The following TSPAN3 variants were observed in gnomAD, a reference collection of about 807,000 sequenced individuals.
The protein encoded by TSPAN3 is tetraspanin 3.
In TSPAN3, 9 loss-of-function variants were observed where a neutral mutation model predicts 31.1. The ratio of observed to expected loss-of-function variants is 0.29; its 90% CI spans 0.17 to 0.50. The LOEUF (loss-of-function observed/expected upper bound fraction) is 0.50. Ranked by LOEUF, TSPAN3 falls within the 20% of genes least tolerant of loss-of-function variation. TSPAN3 has a pLI of 0.98. For missense variants in TSPAN3, 252 were observed against 313.5 expected (o/e 0.80, Z 1.48); for synonymous variants, 129 against 114.3 (o/e 1.13, Z -0.82).
chr15:77,065,772 A>G (rs929041157), intron 1 of TSPAN3, among the ~76,000 whole-genome samples: 1 of 152,198 alleles, frequency 6.6e-6, no homozygotes, highest in African/African-American at 2.4e-5. Context: ...ACTACAATTT[A>G]TATGTGTGAA....
In TSPAN3 at chr15:77,056,186, A is replaced by G; in HGVS notation, c.133T>C (p.Phe45Leu). The G allele has an allele frequency of 6.2e-7, 1 of 1,613,972 alleles. No individual in the cohort carries two copies. Among genetic ancestry groups the G allele is most frequent in the Non-Finnish European group, 8.5e-7 (1 of 1,179,970 alleles). The part of the protein sequence containing the change: ...FITYDDYDHF[F>L]EDVYTLIPAV... ...GGGATGAGCGTGTACACATCTTCAAAGAAGTGGTCATAGTCATCATAAGTG... is the reference window on the plus strand; with the variant it reads ...GGGATGAGCGTGTACACATCTTCAAGGAAGTGGTCATAGTCATCATAAGTG... Residue 45 changes from phenylalanine to leucine, a missense_variant, in exon 2 of 7, where the codon TTT (phenylalanine) becomes CTT (leucine). By Grantham distance (22) the Phe-to-Leu change is conservative (BLOSUM62 0). Coordinates refer to ENST00000267970, the MANE Select transcript of TSPAN3 (RefSeq NM_005724.6).
chr15:77,070,755 C>T (rs2152698618), intron 1 of TSPAN3, 137 bp downstream of exon 1: 2 of 279,940 alleles, frequency 7.1e-6, no homozygotes, highest in South Asian at 2.6e-4. Context: ...CCGGCCCTCC[C>T]CTCGCCTCAG....
intron 3 of TSPAN3, 73 bp from the exon 4 acceptor site, chr15:77,054,352 A>T: frequency 9.3e-7 from 1 of 1,073,208 alleles, no homozygotes; most frequent in South Asian, 1.3e-5. Flanking sequence ...TCCTACTAAA[A>T]TACTTAAATG....
In TSPAN3 at chr15:77,044,810, GA is replaced by G. The variant is rs1243708113; in HGVS notation, c.*2024del. The G allele has an allele frequency of 6.6e-6, 1 of 152,206 alleles. No individual in the cohort carries two copies. Among genetic ancestry groups the G allele is most frequent in the Non-Finnish European group, 1.5e-5 (1 of 68,078 alleles). 9.4% of individuals were successfully genotyped at this position (152,206 alleles called of 1,614,324 possible). On this transcript the variant is annotated 3_prime_UTR_variant, in exon 7 of 7. Coordinates refer to ENST00000267970, the MANE Select transcript of TSPAN3 (RefSeq NM_005724.6). Reference sequence around the variant, plus strand: ...ATTGCTCACCTCAGGGCCAGCCTGTGACAGGGTACCCACAGGATGGTTCATA... The same window carrying G: ...ATTGCTCACCTCAGGGCCAGCCTGTGCAGGGTACCCACAGGATGGTTCATA...
chr15:77,068,188 T>C (rs1214638002), intron 1 of TSPAN3: 1 of 152,180 alleles, frequency 6.6e-6, no homozygotes, highest in Non-Finnish European at 1.5e-5. Flanking sequence ...TTAGCTACAT[T>C]GCACTGTGAC....
Position 77,045,347 on chromosome 15 carries a change from C to T in TSPAN3, c.*1488G>A, listed in dbSNP as rs1372309582. On this transcript the variant is annotated 3_prime_UTR_variant, in exon 7 of 7. Coordinates refer to ENST00000267970, the MANE Select transcript of TSPAN3 (RefSeq NM_005724.6). ...CCTGCTGCCCACTGCTAAGCTCTCT[C>T]AACTGCTATGCCAGCCTAACTGAAG... 1 of 152,490 alleles carries T rather than the reference C, an allele frequency of 6.6e-6. No homozygotes were observed. Among genetic ancestry groups the T allele is most frequent in the Non-Finnish European group, 1.5e-5 (1 of 68,152 alleles). 9.4% of individuals were successfully genotyped at this position (152,490 alleles called of 1,614,324 possible).
intron 1 of TSPAN3, among the ~76,000 whole-genome samples, chr15:77,065,944 A>G (rs954543585): frequency 7.2e-5 from 11 of 152,136 alleles, no homozygotes; most frequent in African/African-American, 1.9e-4. Flanking sequence ...ACAACAACCT[A>G]AATAGATATT....
intron 1 of TSPAN3, chr15:77,068,041 C>G (rs2076843784): frequency 6.6e-6 from 1 of 152,164 alleles, no homozygotes; most frequent in African/African-American, 2.4e-5. Context: ...TGAGGATATG[C>G]CATGTAAAGT....
intron 1 of TSPAN3, chr15:77,069,939 C>G (rs1158935385): frequency 6.6e-6 from 1 of 152,216 alleles, no homozygotes; most frequent in Non-Finnish European, 1.5e-5. Flanking sequence ...GCTCCAAGAC[C>G]AGGGGAAGGA....
At chr15:77,052,984 C>A in intron 4 of TSPAN3, 55 bp from the exon 5 acceptor site, 3 of 1,531,592 alleles carry the variant, frequency 2.0e-6, no homozygotes, top group South Asian at 1.2e-5. Context: ...ACCTGAAGTT[C>A]CATGTACTAC....
chr15:77,071,020 G>C lies in TSPAN3; in HGVS notation c.-66C>G. The C allele has an allele frequency of 8.3e-7, 1 of 1,211,020 alleles. No individual in the cohort carries two copies. The highest frequency in any genetic ancestry group is 1.1e-6 in the Non-Finnish European group (1 of 932,980). 75.0% of individuals were successfully genotyped at this position (1,211,020 alleles called of 1,614,324 possible). ...CTGCGCTCACCGAGAGAGCGGCAATGGCGGCGGCGCCTCCTCGCTAGGAAC... is the reference window on the plus strand; with the variant it reads ...CTGCGCTCACCGAGAGAGCGGCAATCGCGGCGGCGCCTCCTCGCTAGGAAC... On this transcript the variant is annotated 5_prime_UTR_variant, in exon 1 of 7. Transcript: ENST00000267970.
chr15:77,047,251 G>T (rs898382204), intron 6 of TSPAN3, among the ~76,000 whole-genome samples: 17 of 152,318 alleles, frequency 1.1e-4, no homozygotes, highest in African/African-American at 3.1e-4. Flanking sequence ...CATATGCACT[G>T]TCATGTGGCC....
chr15:77,056,047 C>G lies in TSPAN3; in HGVS notation c.255+17G>C. The G allele has an allele frequency of 6.3e-7, 1 of 1,591,062 alleles. No homozygotes were observed. Among genetic ancestry groups the G allele is most frequent in the East Asian group, 2.2e-5 (1 of 44,832 alleles). ...CATAGACTAAATACTCCTGCATGTT[C>G]TCACAACACATCTTACCGTGGCAAG... On this transcript the variant is annotated intron_variant, in intron 2 of 6. Transcript: ENST00000267970.
chr15:77,057,434 C>T (rs964964000), intron 1 of TSPAN3, among the ~76,000 whole-genome samples: 1 of 152,162 alleles, frequency 6.6e-6, no homozygotes, highest in Non-Finnish European at 1.5e-5. Flanking sequence ...TTATGAAATT[C>T]AGTAAGCTTG....
intron 1 of TSPAN3, among the ~76,000 whole-genome samples, chr15:77,059,391 T>C (rs2076787525): frequency 6.6e-6 from 1 of 152,204 alleles, no homozygotes; most frequent in African/African-American, 2.4e-5. Flanking sequence ...CAGACATAGC[T>C]TAATTTTAAT....
Position 77,052,378 on chromosome 15 carries a change from T to C in TSPAN3, c.669+7A>G, listed in dbSNP as rs375889982. On this transcript the variant is annotated splice_region_variant and intron_variant, in intron 6 of 6. Coordinates refer to ENST00000267970, the MANE Select transcript of TSPAN3 (RefSeq NM_005724.6). ...TCCGATAGAACTCCTTGGCAAGCTGTGCTTACCTGAATAGCTGCAAATGCC... is the reference window on the plus strand; with the variant it reads ...TCCGATAGAACTCCTTGGCAAGCTGCGCTTACCTGAATAGCTGCAAATGCC... 6.8e-6 allele frequency: 11 copies of C among 1,613,830 alleles called. No homozygotes were observed. Among genetic ancestry groups the C allele is most frequent in the Non-Finnish European group, 7.6e-6 (9 of 1,179,798 alleles).
rs1054246612 is a variant in TSPAN3 at position 77,046,514 on chromosome 15, G to A, written c.*321C>T. 10 of 449,106 alleles carry A rather than the reference G, an allele frequency of 2.2e-5. No homozygotes were observed. Among genetic ancestry groups the A allele is most frequent in the Non-Finnish European group, 3.9e-5 (10 of 255,156 alleles). 27.8% of individuals were successfully genotyped at this position (449,106 alleles called of 1,614,324 possible). Reference sequence around the variant, plus strand: ...CTGGTGACATTTCGGCATCAGTCCTGTTACCACTTGGAGGTAACAGAAGCA... The same window carrying A: ...CTGGTGACATTTCGGCATCAGTCCTATTACCACTTGGAGGTAACAGAAGCA... On this transcript the variant is annotated 3_prime_UTR_variant, in exon 7 of 7. Transcript: ENST00000267970.
In TSPAN3 at chr15:77,052,890, T is replaced by A. The variant is rs1201888394; in HGVS notation, c.472A>T (p.Asn158Tyr). ...TTGGTTTCTTTGAACCAATCTGTAT[T>A]TTCCCAGTCTGAGTAGTTGTGAATT... is the stretch of plus-strand genomic sequence containing the variant. ...CGIHNYSDWE[N>Y]TDWFKETKNQ... The change falls in exon 5 of 7, where the codon AAT becomes TAT. Residue 158 changes from asparagine (N) to tyrosine (Y), a missense_variant. Transcript: ENST00000267970. The A allele has an allele frequency of 1.2e-6, 2 of 1,613,948 alleles. No individual in the cohort carries two copies. The highest frequency in any genetic ancestry group is 1.7e-5 in the Admixed American group (1 of 59,984).
intron 6 of TSPAN3, among the ~76,000 whole-genome samples, chr15:77,048,647 A>AT (rs2076709063): frequency 6.6e-6 from 1 of 152,204 alleles, no homozygotes. Flanking sequence ...AATTCCATTG[A>AT]TTTTTGAAAC....
Sources: gnomAD v4.1 joint callset for allele counts (sites outside exome capture counted in the v4.1 genomes callset) on GRCh38, gnomAD v4.1.1 for gene constraint, MANE v1.5 for transcripts, NCBI Gene and HGNC (gene_info 2026-07-23, HGNC 2026-07-21) for gene names.